Variants in OTUD7B observed in about 807,000 individuals in gnomAD.
OTUD7B encodes OTU deubiquitinase 7B.
OTUD7B carries 34 observed loss-of-function variants against 82.2 expected under a neutral mutation model. The observed-to-expected ratio is 0.41, with a 90% CI of 0.31 to 0.55. The LOEUF (loss-of-function observed/expected upper bound fraction) is 0.55, where lower values mean the gene tolerates loss of function less well. OTUD7B is among the 20% of genes least tolerant of loss of function. The probability of loss-of-function intolerance (pLI) is 0.20; values close to 1 mark genes in which losing one functional copy is unlikely to be tolerated. For missense variants in OTUD7B, 944 were observed against 1,062.1 expected (o/e 0.89, Z 1.55); for synonymous variants, 398 against 402.7 (o/e 0.99, Z 0.14).
At chr1:149,952,129 C>G (rs897121981) in intron 7 of OTUD7B, among the ~76,000 whole-genome samples, 1 of 151,854 alleles carries the variant, frequency 6.6e-6, no homozygotes, top group African/African-American at 2.4e-5. Context: ...ATACATATGC[C>G]ACGTTGGTGT....
chr1:149,986,253 AC>A (rs1651132501), intron 1 of OTUD7B, among the ~76,000 whole-genome samples: 1 of 151,530 alleles, frequency 6.6e-6, no homozygotes, highest in East Asian at 1.9e-4. Context: ...ACACACACAC[AC>A]ACACACACAC....
At chr1:150,022,426 A>AAAAAAT in the OTUD7B span, among the ~76,000 whole-genome samples, 50 of 100,824 alleles carry the variant, frequency 5.0e-4, 14 homozygotes, top group African/African-American at 1.5e-3. Context: ...AAAAAAAATA[A>AAAAAAT]CTACATGCTG....
chr1:150,058,728 A>G, the OTUD7B span, among the ~76,000 whole-genome samples: 1 of 152,158 alleles, frequency 6.6e-6, no homozygotes, highest in Non-Finnish European at 1.5e-5. Flanking sequence ...AATAAACAAT[A>G]AGATATGTCA....
chr1:150,024,352 T>C, the OTUD7B span, among the ~76,000 whole-genome samples: 1 of 152,132 alleles, frequency 6.6e-6, no homozygotes, highest in Non-Finnish European at 1.5e-5. Context: ...CACTCCGGAA[T>C]GAAGGATCTC....
chr1:150,038,082 C>T, the OTUD7B span, among the ~76,000 whole-genome samples: 3 of 151,074 alleles, frequency 2.0e-5, no homozygotes, highest in Non-Finnish European at 4.4e-5. Context: ...TGGTCTCAAA[C>T]TCCTGTGCTC....
the OTUD7B span, among the ~76,000 whole-genome samples, chr1:150,024,516 CCTT>C: frequency 0.056 from 8,561 of 152,240 alleles, 314 homozygotes; most frequent in Non-Finnish European, 0.088. Flanking sequence ...TTTTTAGTGT[CCTT>C]CTCAAAAACT....
intron 3 of OTUD7B, among the ~76,000 whole-genome samples, chr1:149,969,075 A>G (rs1207455764): frequency 6.6e-6 from 1 of 152,128 alleles, no homozygotes; most frequent in Non-Finnish European, 1.5e-5. Context: ...TGTAATCCCA[A>G]AACTTTGGGA....
At position 149,946,858 on chromosome 1, in the gene OTUD7B, G is replaced by T. The variant is rs782786770; in HGVS notation, c.1323+393C>A. 8.9e-4 allele frequency among the ~76,000 whole-genome samples: 135 copies of T among 151,308 alleles called. 1 individual carries two copies. Among genetic ancestry groups the T allele is most frequent in the Middle Eastern group, 6.9e-3 (2 of 290 alleles). On this transcript the variant is annotated intron_variant, in intron 11 of 11. Coordinates refer to ENST00000581312, the MANE Select transcript of OTUD7B (RefSeq NM_020205.4). ...ATCTGAGGTCAGGCATTCGAGACCA[G>T]CCTGGCCAACATGGTGAAACCTGTC... is the stretch of plus-strand genomic sequence containing the variant.
chr1:150,043,992 C>T, the OTUD7B span, among the ~76,000 whole-genome samples: 1 of 151,958 alleles, frequency 6.6e-6, no homozygotes, highest in African/African-American at 2.4e-5. Context: ...ATGGCACGTG[C>T]CTGTAGTCCC....
intron 1 of OTUD7B, among the ~76,000 whole-genome samples, chr1:149,979,466 G>C (rs1359780846): frequency 3.3e-5 from 5 of 152,000 alleles, no homozygotes; most frequent in Non-Finnish European, 5.9e-5. Flanking sequence ...ACTTGTATTA[G>C]ATGACTCATA....
the OTUD7B span, among the ~76,000 whole-genome samples, chr1:150,056,648 C>G: frequency 6.6e-6 from 1 of 151,924 alleles, no homozygotes; most frequent in African/African-American, 2.4e-5. Flanking sequence ...TCCAGGCTCA[C>G]TGATTCCAGA....
upstream of OTUD7B, among the ~76,000 whole-genome samples, chr1:150,013,943 T>A (rs1653181863): frequency 8.0e-6 from 1 of 125,444 alleles, no homozygotes; most frequent in Non-Finnish European, 1.7e-5. Context: ...AAATAATATA[T>A]ATATACACAC....
At chr1:150,055,585 A>G in the OTUD7B span, among the ~76,000 whole-genome samples, 2 of 152,222 alleles carry the variant, frequency 1.3e-5, no homozygotes, top group Non-Finnish European at 2.9e-5. Context: ...ACACATGCAC[A>G]CGAATGTTCA....
At chr1:149,982,967 C>A (rs1553780069) in intron 1 of OTUD7B, among the ~76,000 whole-genome samples, 2 of 151,690 alleles carry the variant, frequency 1.3e-5, no homozygotes, top group Non-Finnish European at 2.9e-5. Flanking sequence ...CTGCCTCAGC[C>A]TCCCGAGTAG....
the OTUD7B span, among the ~76,000 whole-genome samples, chr1:150,049,474 C>T: frequency 6.6e-6 from 1 of 152,020 alleles, no homozygotes; most frequent in Admixed American, 6.6e-5. Context: ...TATTTTGTGC[C>T]ATGAACAGAG....
At chr1:150,019,325 T>C in the OTUD7B span, among the ~76,000 whole-genome samples, 1 of 152,208 alleles carries the variant, frequency 6.6e-6, no homozygotes, top group Non-Finnish European at 1.5e-5. Context: ...GGTCACATCA[T>C]TTCCCAGCTC....
chr1:149,950,872 A>G (rs1553773270), intron 7 of OTUD7B, among the ~76,000 whole-genome samples: 1 of 148,618 alleles, frequency 6.7e-6, no homozygotes, highest in East Asian at 2.0e-4. Flanking sequence ...GCTCACTGCA[A>G]GCTCTGCCTC....
the OTUD7B span, chr1:150,054,944 C>A: frequency 3.2e-6 from 1 of 310,358 alleles, no homozygotes. Flanking sequence ...CAGATTTTAA[C>A]CAAAATCAAA....
the OTUD7B span, chr1:150,054,973 G>C: frequency 6.0e-6 from 2 of 330,840 alleles, no homozygotes; most frequent in East Asian, 8.7e-5. Flanking sequence ...TCAGCTCCAG[G>C]GCTACCTCTG....
Sources: allele counts gnomAD v4.1 joint callset (sites outside exome capture counted in the v4.1 genomes callset), GRCh38; gene constraint gnomAD v4.1.1; transcripts MANE v1.5; gene names NCBI Gene and HGNC (gene_info 2026-07-23, HGNC 2026-07-21).